Variants in SPAG16 observed in about 807,000 individuals in gnomAD.
SPAG16 encodes sperm-associated antigen 16 protein.
In SPAG16, 86 loss-of-function variants were observed where a neutral mutation model predicts 80.4. The observed-to-expected ratio is 1.07, with a 90% CI of 0.90 to 1.28. The LOEUF (loss-of-function observed/expected upper bound fraction) is 1.28. SPAG16 is among the 50% of genes most tolerant of loss of function. SPAG16 has a pLI of 0.00. For synonymous variants in SPAG16, 294 were observed against 265.9 expected, an observed-to-expected ratio of 1.11 and a Z score of -1.03; for missense variants, 870 against 765.3, an observed-to-expected ratio of 1.14 and a Z score of -1.61.
At chr2:214,047,267 A>G (rs1248168410) in intron 13 of SPAG16, among the ~76,000 whole-genome samples, 1 of 152,146 alleles carries the variant, frequency 6.6e-6, no homozygotes, top group African/African-American at 2.4e-5. Context: ...GAGGAATCAC[A>G]TTACCTGACT....
At chr2:214,260,606 T>C (rs1691073388) in intron 15 of SPAG16, among the ~76,000 whole-genome samples, 1 of 152,186 alleles carries the variant, frequency 6.6e-6, no homozygotes, top group Non-Finnish European at 1.5e-5. Flanking sequence ...GGACTCCTAT[T>C]AAGTCTTGTT....
chr2:213,470,941 A>T (rs2073043510), intron 9 of SPAG16, among the ~76,000 whole-genome samples: 1 of 152,212 alleles, frequency 6.6e-6, no homozygotes, highest in Admixed American at 6.5e-5. Context: ...CACATCCCTG[A>T]TCATCAAGCC....
At chr2:213,983,367 G>A (rs1376767886) in intron 12 of SPAG16, among the ~76,000 whole-genome samples, 3 of 151,758 alleles carry the variant, frequency 2.0e-5, no homozygotes, top group African/African-American at 7.3e-5. Context: ...AATAATAATA[G>A]TATTATAGTC....
chr2:214,130,084 C>T (rs1396025887), intron 14 of SPAG16, among the ~76,000 whole-genome samples: 1 of 152,142 alleles, frequency 6.6e-6, no homozygotes, highest in Non-Finnish European at 1.5e-5. Context: ...AAAATTCTCA[C>T]CCCAGTTCTC....
At chr2:213,588,839 A>AAAAAG (rs1410678159) in intron 10 of SPAG16, among the ~76,000 whole-genome samples, 1 of 144,948 alleles carries the variant, frequency 6.9e-6, no homozygotes, top group African/African-American at 2.6e-5. Context: ...AAAAAAAAAA[A>AAAAAG]AAAAGACTCC....
At chr2:213,864,839 C>G (rs779026222) in intron 11 of SPAG16, among the ~76,000 whole-genome samples, 37 of 152,040 alleles carry the variant, frequency 2.4e-4, no homozygotes, top group Non-Finnish European at 4.4e-4. Context: ...TGTCCTATTT[C>G]TCGTATCATA....
At chr2:213,894,987 CAAAAAAAAAAAAA>C (rs71063793) in intron 11 of SPAG16, among the ~76,000 whole-genome samples, 29 of 49,302 alleles carry the variant, frequency 5.9e-4, no homozygotes, top group African/African-American at 3.1e-3. Flanking sequence ...GGCTCCATCT[CAAAAAAAAAAAAA>C]AAAAAAAAAA....
intron 10 of SPAG16, among the ~76,000 whole-genome samples, chr2:213,561,759 T>A (rs1025138839): frequency 6.6e-6 from 1 of 152,198 alleles, no homozygotes; most frequent in Non-Finnish European, 1.5e-5. Flanking sequence ...CTGCCTTTAT[T>A]TTTATTATTT....
intron 15 of SPAG16, among the ~76,000 whole-genome samples, chr2:214,303,741 T>G (rs1694722544): frequency 1.3e-5 from 2 of 152,222 alleles, no homozygotes; most frequent in South Asian, 4.1e-4. Context: ...CCCTCAGGAA[T>G]GCTTATAAGT....
intron 15 of SPAG16, among the ~76,000 whole-genome samples, chr2:214,250,733 G>GATAGAT (rs1236266227): frequency 7.1e-5 from 8 of 112,356 alleles, no homozygotes; most frequent in African/African-American, 2.7e-4. Context: ...GGAGCTTTGA[G>GATAGAT]ATATATATAT....
chr2:213,839,361 C>G (rs1212610901), intron 10 of SPAG16, among the ~76,000 whole-genome samples: 1 of 152,042 alleles, frequency 6.6e-6, no homozygotes, highest in Non-Finnish European at 1.5e-5. Context: ...GTATTTTTTC[C>G]TCTCTACATA....
At chr2:213,687,525 G>T (rs1261941185) in intron 10 of SPAG16, among the ~76,000 whole-genome samples, 2 of 152,060 alleles carry the variant, frequency 1.3e-5, no homozygotes, top group African/African-American at 2.4e-5. Flanking sequence ...ATTCTTCCAG[G>T]TTATAAAATT....
At chr2:213,470,842 A>G (rs1445284657) in intron 9 of SPAG16, among the ~76,000 whole-genome samples, 1 of 152,208 alleles carries the variant, frequency 6.6e-6, no homozygotes, top group East Asian at 1.9e-4. Context: ...GGATACAAAT[A>G]TCTTCACAGT....
chr2:213,848,696 C>T (rs959504900), intron 10 of SPAG16, among the ~76,000 whole-genome samples: 4 of 152,140 alleles, frequency 2.6e-5, no homozygotes, highest in Non-Finnish European at 5.9e-5. Flanking sequence ...CTGTTCCCTT[C>T]GTCCCATCCC....
At chr2:213,951,707 T>C (rs1307154602) in intron 12 of SPAG16, among the ~76,000 whole-genome samples, 1 of 152,042 alleles carries the variant, frequency 6.6e-6, no homozygotes, top group Admixed American at 6.6e-5. Flanking sequence ...AGGATAAACA[T>C]TGAGGAGATA....
intron 10 of SPAG16, among the ~76,000 whole-genome samples, chr2:213,818,008 G>A (rs971951904): frequency 5.9e-5 from 9 of 152,080 alleles, no homozygotes; most frequent in African/African-American, 1.9e-4. Flanking sequence ...GAACTGGAAG[G>A]CGTTAAATGC....
intron 14 of SPAG16, among the ~76,000 whole-genome samples, chr2:214,125,659 A>AT (rs1158359341): frequency 6.6e-6 from 1 of 151,806 alleles, no homozygotes; most frequent in East Asian, 1.9e-4. Context: ...CAAATTATAG[A>AT]TTTTGGATAT....
intron 14 of SPAG16, among the ~76,000 whole-genome samples, chr2:214,116,899 C>T (rs1403477585): frequency 6.6e-6 from 1 of 152,108 alleles, no homozygotes; most frequent in African/African-American, 2.4e-5. Flanking sequence ...CACAGTAAAG[C>T]CAGACTGTGA....
rs113112135 is a variant in SPAG16, at chr2:213,531,891, C to T, written c.1070+41801C>T. 7.9e-4 allele frequency among the ~76,000 whole-genome samples: 120 copies of T among 152,126 alleles called. 2 individuals are homozygous for T. The highest frequency in any genetic ancestry group is 3.4e-3 in the Middle Eastern group (1 of 294). ...ATTTGGAATCTTACAATCAGTGAAC[C>T]ATCCCTGTACCTCTTTGGGAGCTAT... On this transcript the variant is annotated intron_variant, in intron 10 of 15. Coordinates refer to ENST00000331683, the MANE Select transcript of SPAG16 (RefSeq NM_024532.5).
Sources: gnomAD v4.1 joint callset for allele counts (sites outside exome capture counted in the v4.1 genomes callset) on GRCh38, gnomAD v4.1.1 for gene constraint, MANE v1.5 for transcripts, NCBI Gene and HGNC (gene_info 2026-07-23, HGNC 2026-07-21) for gene names.